Variants in MDGA2 observed in about 807,000 individuals in gnomAD.
MDGA2 encodes the protein MAM domain containing glycosylphosphatidylinositol anchor 2.
In MDGA2, 40 loss-of-function variants were observed where a neutral mutation model predicts 117.8. The ratio of observed to expected loss-of-function variants is 0.34; its 90% CI spans 0.26 to 0.44. The LOEUF (loss-of-function observed/expected upper bound fraction) is 0.44. Ranked by LOEUF, MDGA2 falls within the 20% of genes least tolerant of loss-of-function variation. The pLI is 1.00. For missense variants in MDGA2, 1,123 were observed against 1,250.6 expected (o/e 0.90, Z 1.54); for synonymous variants, 452 against 439.0 (o/e 1.03, Z -0.37).
chr14:47,585,945 C>T (rs1896317082), intron 1 of MDGA2, among the ~76,000 whole-genome samples: 1 of 151,852 alleles, frequency 6.6e-6, no homozygotes, highest in South Asian at 2.1e-4. Flanking sequence ...TCTGACTGGT[C>T]AGCTCTGAAG....
chr14:47,276,281 C>T (rs1415510411), intron 2 of MDGA2, among the ~76,000 whole-genome samples: 1 of 152,056 alleles, frequency 6.6e-6, no homozygotes. Context: ...AATGAGGAAA[C>T]TAAGTCTTGG....
chr14:46,876,338 T>C (rs1033951936), intron 12 of MDGA2, among the ~76,000 whole-genome samples: 1 of 151,568 alleles, frequency 6.6e-6, no homozygotes, highest in Admixed American at 6.6e-5. Context: ...CAATTATAAA[T>C]ATGTGCAAAT....
At chr14:46,976,435 T>C (rs1595081971) in intron 8 of MDGA2, among the ~76,000 whole-genome samples, 1 of 152,148 alleles carries the variant, frequency 6.6e-6, no homozygotes, top group East Asian at 1.9e-4. Context: ...AATGATACTA[T>C]TTGATGTGAC....
At chr14:47,466,087 A>G (rs11845406) in intron 1 of MDGA2, among the ~76,000 whole-genome samples, 48,022 of 152,032 alleles carry the variant, frequency 0.32, 8,204 homozygotes, top group East Asian at 0.59. Context: ...CAAATACTGC[A>G]TGTTCTTACC....
rs149805116 is a variant in MDGA2 at position 47,587,859 on chromosome 14, A to G, written c.280+86658T>C. On this transcript the variant is annotated intron_variant, in intron 1 of 16. Coordinates refer to ENST00000399232, the MANE Select transcript of MDGA2 (RefSeq NM_001113498.3). The stretch of plus-strand genomic sequence containing the variant: ...CATCCCAAAAGAAACTCCATACTCA[A>G]TAACAATCTCTTTCCATTTCTCTTG... Among the ~76,000 whole-genome samples the G allele has an allele frequency of 5.7e-3, 861 of 152,026 alleles. 5 individuals carry two copies. Among genetic ancestry groups the G allele is most frequent in the African/African-American group, 0.02 (811 of 41,516 alleles).
intron 8 of MDGA2, among the ~76,000 whole-genome samples, chr14:46,967,780 A>G (rs1886093565): frequency 6.6e-6 from 1 of 152,206 alleles, no homozygotes; most frequent in Admixed American, 6.5e-5. Context: ...ATGCATACAT[A>G]CCTATGATAA....
intron 1 of MDGA2, among the ~76,000 whole-genome samples, chr14:47,484,698 G>A (rs148572358): frequency 3.6e-4 from 55 of 152,254 alleles, no homozygotes; most frequent in Admixed American, 2.7e-3. Context: ...GAGGGACCCC[G>A]TGGGAGATGG....
intron 8 of MDGA2, among the ~76,000 whole-genome samples, chr14:46,998,955 C>A (rs982457532): frequency 6.6e-6 from 1 of 152,124 alleles, no homozygotes; most frequent in South Asian, 2.1e-4. Context: ...CAGGAACCTA[C>A]CCTTCCCAGT....
chr14:47,448,976 T>A (rs926337362), intron 1 of MDGA2, among the ~76,000 whole-genome samples: 2 of 152,140 alleles, frequency 1.3e-5, no homozygotes, highest in Non-Finnish European at 2.9e-5. Flanking sequence ...CCTACACATT[T>A]GGTGCCACAA....
chr14:47,151,964 T>A (rs1034853946), intron 3 of MDGA2, among the ~76,000 whole-genome samples: 8 of 152,140 alleles, frequency 5.3e-5, no homozygotes, highest in Non-Finnish European at 1.0e-4. Flanking sequence ...GAAATTGATA[T>A]GTATCATAAT....
chr14:47,497,079 C>T (rs1377548082), intron 1 of MDGA2, among the ~76,000 whole-genome samples: 8 of 152,012 alleles, frequency 5.3e-5, no homozygotes, highest in African/African-American at 1.9e-4. Context: ...GTGTGGGGCC[C>T]AGTTGCTAAT....
chr14:47,388,505 C>A (rs1891811048), intron 1 of MDGA2, among the ~76,000 whole-genome samples: 1 of 152,144 alleles, frequency 6.6e-6, no homozygotes, highest in Non-Finnish European at 1.5e-5. Context: ...CTACCTTACT[C>A]TTTTTCTAGG....
intron 10 of MDGA2, among the ~76,000 whole-genome samples, chr14:46,893,017 A>G (rs1882940793): frequency 6.6e-6 from 1 of 152,088 alleles, no homozygotes; most frequent in Non-Finnish European, 1.5e-5. Context: ...CCTACCCAGA[A>G]GAAATCACCA....
At chr14:47,082,074 T>C (rs368045053) in intron 6 of MDGA2, among the ~76,000 whole-genome samples, 20 of 152,234 alleles carry the variant, frequency 1.3e-4, no homozygotes, top group African/African-American at 4.3e-4. Flanking sequence ...TACTCACTTA[T>C]GAAATTTGAG....
chr14:46,952,826 G>A (rs1885417171), intron 9 of MDGA2, among the ~76,000 whole-genome samples: 1 of 151,938 alleles, frequency 6.6e-6, no homozygotes, highest in Non-Finnish European at 1.5e-5. Flanking sequence ...TGGTAGAACT[G>A]AAATAGAGAT....
chr14:47,587,276 G>A (rs1165490320), intron 1 of MDGA2, among the ~76,000 whole-genome samples: 3 of 151,684 alleles, frequency 2.0e-5, no homozygotes, highest in Non-Finnish European at 2.9e-5. Context: ...CAACCTGCAC[G>A]TGTACCCCAG....
intron 7 of MDGA2, among the ~76,000 whole-genome samples, chr14:47,055,407 T>G (rs1186602522): frequency 2.0e-5 from 3 of 152,090 alleles, no homozygotes; most frequent in Non-Finnish European, 4.4e-5. Flanking sequence ...TAGTGCCTTA[T>G]TCTTAATCCA....
intron 1 of MDGA2, among the ~76,000 whole-genome samples, chr14:47,360,581 G>C (rs973739867): frequency 6.6e-5 from 10 of 152,098 alleles, no homozygotes; most frequent in African/African-American, 1.9e-4. Flanking sequence ...AACAAGTATT[G>C]ACAAGGGTAT....
intron 8 of MDGA2, among the ~76,000 whole-genome samples, chr14:46,968,926 T>C (rs1408422422): frequency 6.6e-6 from 1 of 151,888 alleles, no homozygotes; most frequent in East Asian, 1.9e-4. Flanking sequence ...CAGTAGTGTT[T>C]CTATATACCA....
Sources: gnomAD v4.1 joint callset for allele counts (sites outside exome capture counted in the v4.1 genomes callset) on GRCh38, gnomAD v4.1.1 for gene constraint, MANE v1.5 for transcripts, NCBI Gene and HGNC (gene_info 2026-07-23, HGNC 2026-07-21) for gene names.